Variants in NYAP2 observed in about 807,000 individuals in gnomAD.
NYAP2 encodes neuronal tyrosine-phosphorylated phosphoinositide-3-kinase adapter 2.
Under a neutral mutation model 50.4 loss-of-function variants are expected in NYAP2, and 23 were observed. That is an observed-to-expected ratio of 0.46 (90% confidence interval 0.33 to 0.65). The LOEUF (loss-of-function observed/expected upper bound fraction) is 0.65. Among genes scored for constraint, NYAP2 ranks in the 30% least tolerant of loss-of-function variants. NYAP2 has a pLI of 0.02. For synonymous variants in NYAP2, 394 were observed against 365.2 expected (o/e 1.08, Z -0.90); for missense variants, 885 against 861.0 (o/e 1.03, Z -0.35).
At chr2:225,410,441 G>T (rs1389555378) in intron 3 of NYAP2, among the ~76,000 whole-genome samples, 1 of 151,282 alleles carries the variant, frequency 6.6e-6, no homozygotes, top group Non-Finnish European at 1.5e-5. Context: ...TTTTTTCTGT[G>T]AAGTATTTTT....
At chr2:225,606,566 C>A (rs1471057045) in intron 5 of NYAP2, among the ~76,000 whole-genome samples, 1 of 152,128 alleles carries the variant, frequency 6.6e-6, no homozygotes, top group African/African-American at 2.4e-5. Flanking sequence ...TTCAGTCATT[C>A]TCTTTCTATC....
intron 5 of NYAP2, among the ~76,000 whole-genome samples, chr2:225,601,402 A>G (rs572578606): frequency 1.3e-5 from 2 of 152,146 alleles, no homozygotes; most frequent in East Asian, 3.9e-4. Flanking sequence ...GCCTCCCAAA[A>G]TGCTGGGATT....
At chr2:225,670,622 A>AG in the NYAP2 span, among the ~76,000 whole-genome samples, 1 of 25,984 alleles carries the variant, frequency 3.8e-5, no homozygotes. Context: ...AAAAAAAAAA[A>AG]AAAAAAAAAT....
At chr2:225,548,956 AC>A (rs1691628488) in intron 4 of NYAP2, among the ~76,000 whole-genome samples, 1 of 151,038 alleles carries the variant, frequency 6.6e-6, no homozygotes, top group Admixed American at 6.6e-5. Context: ...ATCTCAGCTC[AC>A]TGCAACCTCT....
intron 4 of NYAP2, among the ~76,000 whole-genome samples, chr2:225,529,265 G>A (rs11695839): frequency 0.3 from 45,919 of 151,864 alleles, 7,111 homozygotes; most frequent in South Asian, 0.48. Flanking sequence ...CGATGCCACC[G>A]TCCTCAGAAG....
the NYAP2 span, among the ~76,000 whole-genome samples, chr2:225,672,512 G>C: frequency 1.4e-4 from 22 of 152,116 alleles, no homozygotes; most frequent in Non-Finnish European, 3.2e-4. Flanking sequence ...CAAGAAGGCT[G>C]TTTCACTTTT....
intron 5 of NYAP2, among the ~76,000 whole-genome samples, chr2:225,621,721 T>A (rs528325126): frequency 1.4e-3 from 209 of 152,214 alleles, no homozygotes; most frequent in African/African-American, 4.6e-3. Context: ...ATTTTTTTTT[T>A]AATTATACTT....
intron 3 of NYAP2, among the ~76,000 whole-genome samples, chr2:225,496,014 G>A (rs1690498725): frequency 6.6e-6 from 1 of 152,140 alleles, no homozygotes; most frequent in Admixed American, 6.5e-5. Context: ...GCATGTTGAA[G>A]GTATATACCA....
chr2:225,582,073 G>A lies in NYAP2; in HGVS notation c.656G>A (p.Arg219Lys). The A allele has an allele frequency of 6.2e-7, 1 of 1,614,050 alleles. No individual in the cohort carries two copies. Among genetic ancestry groups the A allele is most frequent in the Non-Finnish European group, 8.5e-7 (1 of 1,179,898 alleles). The change falls in exon 5 of 7, where the codon AGG becomes AAG. Residue 219 changes from arginine (R) to lysine (K), a missense_variant. Physicochemically the swap from Arg to Lys is conservative, Grantham distance 26 (BLOSUM62 2). Coordinates refer to ENST00000636099, the Ensembl canonical transcript of NYAP2. This position sits in a 1 kb window ranked among gnomAD's most constrained non-coding sequence, Gnocchi z 7.0. ...TACATCAAAAAGCATGGGCCCCGGA[G>A]GACGTCGCTGCCGCGGGACTCCTCC...
chr2:225,460,199 C>T (rs949421576), intron 3 of NYAP2, among the ~76,000 whole-genome samples: 4 of 152,086 alleles, frequency 2.6e-5, no homozygotes, highest in Admixed American at 2.6e-4. Context: ...TGAAAGATTT[C>T]AAGAGGCTAC....
intron 3 of NYAP2, among the ~76,000 whole-genome samples, chr2:225,445,121 A>AGTGTC (rs1689532377): frequency 6.6e-6 from 1 of 152,168 alleles, no homozygotes; most frequent in Admixed American, 6.5e-5. Flanking sequence ...AACATTAAAA[A>AGTGTC]CATGTTTGGG....
At chr2:225,450,658 G>T (rs1689635139) in intron 3 of NYAP2, among the ~76,000 whole-genome samples, 1 of 152,194 alleles carries the variant, frequency 6.6e-6, no homozygotes, top group Admixed American at 6.6e-5. Context: ...CAGTGAATTT[G>T]TGCATTTACA....
chr2:225,655,125 GCTT>G (rs1162781150), downstream of NYAP2, among the ~76,000 whole-genome samples: 5 of 152,140 alleles, frequency 3.3e-5, no homozygotes, highest in African/African-American at 1.2e-4. Context: ...ATCAGTTTTA[GCTT>G]CAGGTAACTA....
At chr2:225,685,819 C>A in the NYAP2 span, among the ~76,000 whole-genome samples, 1 of 152,054 alleles carries the variant, frequency 6.6e-6, no homozygotes, top group Non-Finnish European at 1.5e-5. Flanking sequence ...AAGCCTCTTA[C>A]GATGTGATAT....
the NYAP2 span, among the ~76,000 whole-genome samples, chr2:225,697,846 T>C: frequency 6.6e-6 from 1 of 152,078 alleles, no homozygotes; most frequent in Non-Finnish European, 1.5e-5. Flanking sequence ...TTCTTTTATT[T>C]TTGTTTTGTA....
chr2:225,454,697 G>T (rs945145182), intron 3 of NYAP2, among the ~76,000 whole-genome samples: 2 of 152,274 alleles, frequency 1.3e-5, no homozygotes, highest in Admixed American at 6.5e-5. Flanking sequence ...CGCATGCGAA[G>T]AATCTAGTTA....
intron 4 of NYAP2, among the ~76,000 whole-genome samples, chr2:225,557,404 AT>A (rs1691795886): frequency 6.6e-6 from 1 of 151,988 alleles, no homozygotes; most frequent in Non-Finnish European, 1.5e-5. Flanking sequence ...TGAAGCTTTT[AT>A]TTTATTTTTT....
exon 1 of NYAP2, chr2:225,400,115 C>G (rs1304238622): frequency 6.6e-6 from 1 of 152,104 alleles, no homozygotes; most frequent in East Asian, 1.9e-4. Flanking sequence ...CGGTTTCTTG[C>G]AATTTCTTCA....
chr2:225,487,396 G>A (rs1357546807), intron 3 of NYAP2, among the ~76,000 whole-genome samples: 2 of 151,092 alleles, frequency 1.3e-5, no homozygotes, highest in Non-Finnish European at 2.9e-5. Context: ...GTCTTGCTCT[G>A]TCACCCAGGC....
Sources: allele counts gnomAD v4.1 joint callset (sites outside exome capture counted in the v4.1 genomes callset), GRCh38; gene constraint gnomAD v4.1.1; non-coding constraint Gnocchi (gnomAD v3.1); transcripts MANE v1.5; gene names NCBI Gene and HGNC (gene_info 2026-07-23, HGNC 2026-07-21).